Variants in ACMSD observed in about 807,000 individuals in gnomAD.
The protein encoded by ACMSD is 2-amino-3-carboxymuconate-6-semialdehyde decarboxylase.
Under a neutral mutation model 45.9 loss-of-function variants are expected in ACMSD, and 37 were observed. That is an observed-to-expected ratio of 0.81 (90% CI 0.62 to 1.06). ACMSD has a LOEUF of 1.06. Among genes scored for constraint, ACMSD ranks in the 50% least tolerant of loss-of-function variants. ACMSD has a pLI of 0.00. For missense variants in ACMSD, 434 were observed against 420.9 expected (o/e 1.03, Z -0.27); for synonymous variants, 138 against 148.8 (o/e 0.93, Z 0.53).
Position 134,870,947 on chromosome 2 carries a change from G to A in ACMSD, c.581-18G>A, listed in dbSNP as rs756686300. On this transcript the variant is annotated intron_variant, in intron 6 of 9. Coordinates refer to ENST00000356140, the MANE Select transcript of ACMSD (RefSeq NM_138326.3). ...TGGGGTGATCATCCCTGAACCTTGT[G>A]ACTATTTCCTCTTTCAGGAATGCCA... 2 of 1,606,928 alleles carry A rather than the reference G, an allele frequency of 1.2e-6. No homozygotes were observed. Among genetic ancestry groups the A allele is most frequent in the South Asian group, 2.2e-5 (2 of 90,854 alleles).
rs1313823461 is a variant in ACMSD at position 134,851,528 on chromosome 2, C to T, written c.102+6251C>T. On this transcript the variant is annotated intron_variant, in intron 2 of 9. Coordinates refer to ENST00000356140, the MANE Select transcript of ACMSD (RefSeq NM_138326.3). The stretch of plus-strand genomic sequence containing the variant: ...GTGTGATCTCGACTCACTGCACCTC[C>T]GCCTACTGGGTTCAAGCCATTCTCC... Among the ~76,000 whole-genome samples, 5 of 152,082 alleles carry T rather than the reference C, an allele frequency of 3.3e-5. No individual in the cohort carries two copies. The East Asian group carries it at 5.8e-4, about 18-fold the overall frequency.
At chr2:134,860,956 G>C (rs902705922) in intron 3 of ACMSD, among the ~76,000 whole-genome samples, 41 of 151,866 alleles carry the variant, frequency 2.7e-4, no homozygotes, top group African/African-American at 9.9e-4. Flanking sequence ...CCTGAGCCCA[G>C]GAGTTTGAGG....
intron 8 of ACMSD, among the ~76,000 whole-genome samples, chr2:134,876,491 C>A (rs1314935233): frequency 6.6e-6 from 1 of 152,024 alleles, no homozygotes; most frequent in African/African-American, 2.4e-5. Context: ...TTAGCCTAGG[C>A]CTACACAGGG....
At chr2:134,848,915 C>T (rs1687203879) in intron 2 of ACMSD, among the ~76,000 whole-genome samples, 1 of 152,166 alleles carries the variant, frequency 6.6e-6, no homozygotes, top group South Asian at 2.1e-4. Flanking sequence ...CCATCCTCAC[C>T]TTCTTGTGTG....
chr2:134,863,457 T>C lies in ACMSD; in HGVS notation c.312T>C (p.Val104=). ...QLLNNDLAST[V]VSYPRRFVGL... is the part of the protein sequence containing the mutation. The stretch of plus-strand genomic sequence containing the variant: ...TAAACAACGACCTTGCCAGCACCGT[T>C]GTGAGCTACCCCAGGAGGTTCGTGG... Residue 104 remains valine (V), a synonymous_variant, in exon 5 of 10, where the codon GTT becomes GTC. Coordinates refer to ENST00000356140, the MANE Select transcript of ACMSD (RefSeq NM_138326.3). 1 of 1,614,206 alleles carries C rather than the reference T, an allele frequency of 6.2e-7. No homozygotes were observed. The highest frequency in any genetic ancestry group is 8.5e-7 in the Non-Finnish European group (1 of 1,180,036).
intron 8 of ACMSD, among the ~76,000 whole-genome samples, chr2:134,886,433 A>G (rs1426374722): frequency 6.6e-6 from 1 of 151,634 alleles, no homozygotes; most frequent in Non-Finnish European, 1.5e-5. Flanking sequence ...TATTTTTAGT[A>G]GAGACGGCGT....
At chr2:134,890,175 C>T (rs1187644373) in intron 8 of ACMSD, among the ~76,000 whole-genome samples, 1 of 151,988 alleles carries the variant, frequency 6.6e-6, no homozygotes, top group Non-Finnish European at 1.5e-5. Context: ...ACCCAGCAAA[C>T]ACCAACTTAA....
At chr2:134,862,392 T>C (rs1374613977) in intron 4 of ACMSD, among the ~76,000 whole-genome samples, 1 of 152,176 alleles carries the variant, frequency 6.6e-6, no homozygotes, top group Non-Finnish European at 1.5e-5. Flanking sequence ...ATAATAATCA[T>C]GACCTAATAT....
chr2:134,893,440 G>A (rs1374590096), intron 8 of ACMSD, among the ~76,000 whole-genome samples: 5 of 151,868 alleles, frequency 3.3e-5, no homozygotes, highest in Admixed American at 6.6e-5. Context: ...CTCCTGCCTC[G>A]CCCTCCTAAA....
intron 6 of ACMSD, among the ~76,000 whole-genome samples, chr2:134,869,638 T>C (rs916080670): frequency 3.9e-5 from 6 of 152,174 alleles, no homozygotes; most frequent in East Asian, 3.9e-4. Flanking sequence ...ACTGAGGATA[T>C]AGACACAAAC....
rs138765214 is a variant in ACMSD, at chr2:134,842,034, C to T, written c.58-3199C>T. ...TTCATCCACTTTGATTCATACATGC[C>T]CATTTCAGAAACATATCTCTTGTAT... On this transcript the variant is annotated intron_variant, in intron 1 of 9. Coordinates refer to ENST00000356140, the MANE Select transcript of ACMSD (RefSeq NM_138326.3). 1.6e-4 allele frequency among the ~76,000 whole-genome samples: 25 copies of T among 152,232 alleles called. 1 individual carries two copies. The highest frequency in any genetic ancestry group is 5.5e-4 in the African/African-American group (23 of 41,550).
chr2:134,850,726 A>G (rs1687300722), intron 2 of ACMSD, among the ~76,000 whole-genome samples: 1 of 152,194 alleles, frequency 6.6e-6, no homozygotes, highest in Non-Finnish European at 1.5e-5. Flanking sequence ...CATTAGAGAT[A>G]AAGCTACAAT....
rs140892864 is a variant in ACMSD at position 134,894,144 on chromosome 2, T to C, written c.850-4197T>C. 2.2e-3 allele frequency among the ~76,000 whole-genome samples: 339 copies of C among 151,984 alleles called. 1 individual carries two copies. Among genetic ancestry groups the C allele is most frequent in the African/African-American group, 7.7e-3 (319 of 41,492 alleles). ...GAGCAGATATAAAAGAAATAGATTA[T>C]AGAAAAACAATAGGGAAAATCAGTG... On this transcript the variant is annotated intron_variant, in intron 8 of 9. Transcript: ENST00000356140.
chr2:134,856,950 G>A (rs1687610917), intron 2 of ACMSD, among the ~76,000 whole-genome samples: 1 of 151,740 alleles, frequency 6.6e-6, no homozygotes, highest in African/African-American at 2.4e-5. Flanking sequence ...ATTTTGGGGG[G>A]CATTTTATTA....
intron 8 of ACMSD, among the ~76,000 whole-genome samples, chr2:134,883,866 G>A (rs1040381779): frequency 6.6e-6 from 1 of 152,184 alleles, no homozygotes; most frequent in Non-Finnish European, 1.5e-5. Flanking sequence ...ACTCAATAGA[G>A]TATGTGACCT....
At chr2:134,862,852 A>C in intron 4 of ACMSD, 1 of 502,248 alleles carries the variant, frequency 2.0e-6, no homozygotes, top group Non-Finnish European at 2.6e-6. Flanking sequence ...AGGGAGCATT[A>C]GGAAAACCAA....
intron 8 of ACMSD, among the ~76,000 whole-genome samples, chr2:134,885,294 T>TATATAA (rs1436095564): frequency 2.2e-5 from 2 of 91,054 alleles, no homozygotes; most frequent in African/African-American, 4.4e-5. Context: ...ATTATATTTA[T>TATATAA]ATATATATTT....
intron 6 of ACMSD, among the ~76,000 whole-genome samples, chr2:134,868,285 G>C (rs935554106): frequency 6.6e-6 from 1 of 152,090 alleles, no homozygotes; most frequent in African/African-American, 2.4e-5. Context: ...CCACGAAAGG[G>C]TAGAGGAGAA....
At chr2:134,865,973 T>C (rs1475321142) in intron 5 of ACMSD, among the ~76,000 whole-genome samples, 2 of 152,188 alleles carry the variant, frequency 1.3e-5, no homozygotes, top group Admixed American at 1.3e-4. Flanking sequence ...TTAAACTAGT[T>C]AATAATTATA....
Sources: gnomAD v4.1 joint callset for allele counts (sites outside exome capture counted in the v4.1 genomes callset) on GRCh38, gnomAD v4.1.1 for gene constraint, MANE v1.5 for transcripts, NCBI Gene and HGNC (gene_info 2026-07-23, HGNC 2026-07-21) for gene names.